Variants in LARGE1 observed in about 807,000 individuals in gnomAD.
The protein encoded by LARGE1 is LARGE xylosyl- and glucuronyltransferase 1.
Under a neutral mutation model 87.6 loss-of-function variants are expected in LARGE1, and 43 were observed. The ratio of observed to expected loss-of-function variants is 0.49; its 90% confidence interval spans 0.38 to 0.63. The LOEUF (loss-of-function observed/expected upper bound fraction) is 0.63, where lower values mean the gene tolerates loss of function less well. Among genes scored for constraint, LARGE1 ranks in the 30% least tolerant of loss-of-function variants. The probability of loss-of-function intolerance (pLI) is 0.00; values close to 1 mark genes in which losing one functional copy is unlikely to be tolerated. For synonymous variants in LARGE1, 434 were observed against 394.6 expected (o/e 1.10, Z -1.18); for missense variants, 802 against 1,000.2 (o/e 0.80, Z 2.67).
chr22:33,642,568 T>A (rs1181784313), intron 3 of LARGE1, among the ~76,000 whole-genome samples: 1 of 151,654 alleles, frequency 6.6e-6, no homozygotes, highest in African/African-American at 2.4e-5. Context: ...GCTAAATGCC[T>A]CAGTTAAAAG....
At chr22:33,818,290 T>G (rs1348563645) in intron 1 of LARGE1, among the ~76,000 whole-genome samples, 1 of 152,222 alleles carries the variant, frequency 6.6e-6, no homozygotes, top group African/African-American at 2.4e-5. Flanking sequence ...GCTTATAGTT[T>G]GTTTGTAGTC....
the LARGE1 span, among the ~76,000 whole-genome samples, chr22:33,072,375 A>G: frequency 2.0e-5 from 3 of 152,186 alleles, no homozygotes; most frequent in Admixed American, 6.5e-5. Context: ...TGTCCTGGAT[A>G]GGATTTTCCA....
chr22:33,779,087 C>T (rs1336841142), intron 1 of LARGE1, among the ~76,000 whole-genome samples: 3 of 152,004 alleles, frequency 2.0e-5, no homozygotes, highest in African/African-American at 4.8e-5. Context: ...CAAACATTTG[C>T]GCGTAAGTAC....
At chr22:33,639,597 G>T (rs1313203590) in intron 3 of LARGE1, among the ~76,000 whole-genome samples, 3 of 152,114 alleles carry the variant, frequency 2.0e-5, no homozygotes, top group Non-Finnish European at 4.4e-5. Flanking sequence ...CTCCCAAAAG[G>T]TAACTGAATT....
chr22:33,331,642 AG>A (rs1937720180), intron 10 of LARGE1, among the ~76,000 whole-genome samples: 1 of 152,112 alleles, frequency 6.6e-6, no homozygotes, highest in Admixed American at 6.6e-5. Context: ...TCCTGACCTC[AG>A]GTGATCTGCC....
At chr22:33,920,806 G>A (rs1432167946), upstream of LARGE1, among the ~76,000 whole-genome samples, 13 of 144,448 alleles carry the variant, frequency 9.0e-5, no homozygotes, top group African/African-American at 3.0e-4. Context: ...CCCGGCGCTC[G>A]GAGCTGGGCG....
chr22:33,135,611 G>C, the LARGE1 span, among the ~76,000 whole-genome samples: 30 of 152,238 alleles, frequency 2.0e-4, no homozygotes, highest in African/African-American at 6.0e-4. Flanking sequence ...AGACGGAGGT[G>C]GGTGGATCAC....
intron 7 of LARGE1, among the ~76,000 whole-genome samples, chr22:33,386,703 G>T (rs1413553399): frequency 7.5e-6 from 1 of 132,896 alleles, no homozygotes; most frequent in African/African-American, 3.2e-5. Flanking sequence ...GATAAACAAT[G>T]TTGGGGGGGG....
At chr22:33,124,785 T>C in the LARGE1 span, among the ~76,000 whole-genome samples, 1 of 152,154 alleles carries the variant, frequency 6.6e-6, no homozygotes, top group East Asian at 1.9e-4. Context: ...GAAGATTGCT[T>C]GAGCCCAGAA....
At chr22:33,621,728 C>T (rs1174636697) in intron 4 of LARGE1, among the ~76,000 whole-genome samples, 2 of 152,172 alleles carry the variant, frequency 1.3e-5, no homozygotes, top group Non-Finnish European at 2.9e-5. Context: ...TGTATCTCAA[C>T]TCATCACCAG....
chr22:33,772,332 C>CA (rs56766354), intron 1 of LARGE1, among the ~76,000 whole-genome samples: 48,340 of 147,906 alleles, frequency 0.33, 8,498 homozygotes, highest in African/African-American at 0.47. Flanking sequence ...GACTCTGCCT[C>CA]AAAAAAAAAA....
At chr22:33,683,610 G>A (rs1238096489) in intron 2 of LARGE1, among the ~76,000 whole-genome samples, 1 of 152,032 alleles carries the variant, frequency 6.6e-6, no homozygotes, top group Non-Finnish European at 1.5e-5. Context: ...GAAAACTGAG[G>A]AACAGAATGG....
intron 8 of LARGE1, among the ~76,000 whole-genome samples, chr22:33,383,324 C>T (rs763098179): frequency 2.6e-5 from 4 of 152,154 alleles, no homozygotes; most frequent in Non-Finnish European, 5.9e-5. Context: ...CTTTGGGAGG[C>T]TGAGGCAGGC....
Position 33,440,587 on chromosome 22 carries a change from T to G in LARGE1, c.788-8322A>C, listed in dbSNP as rs1478024007. On this transcript the variant is annotated intron_variant, in intron 6 of 14. Transcript: ENST00000397394. ...TATTTTAAAATAGAAAAGCATTTAA[T>G]AGCACCATTCAATGTGTGTCTGAGT... Among the ~76,000 whole-genome samples the G allele has an allele frequency of 2.0e-5, 3 of 152,234 alleles. No homozygotes were observed. In the East Asian group the frequency reaches 5.8e-4, roughly 29 times the overall value.
At chr22:33,590,934 G>A (rs142365527) in intron 5 of LARGE1, among the ~76,000 whole-genome samples, 275 of 152,316 alleles carry the variant, frequency 1.8e-3, no homozygotes, top group Non-Finnish European at 2.9e-3. Flanking sequence ...CGGGCGTGGT[G>A]GCTCACACCT....
At chr22:33,126,686 T>C in the LARGE1 span, among the ~76,000 whole-genome samples, 2 of 152,216 alleles carry the variant, frequency 1.3e-5, no homozygotes, top group Admixed American at 6.5e-5. Context: ...TAATTTATTC[T>C]GTTGCATTGC....
At chr22:33,884,325 G>A (rs776006606) in intron 1 of LARGE1, among the ~76,000 whole-genome samples, 16 of 152,244 alleles carry the variant, frequency 1.1e-4, no homozygotes, top group Non-Finnish European at 1.9e-4. Flanking sequence ...CTGGGTCACT[G>A]TACGTTGACC....
rs1233085643 is a variant in LARGE1, at chr22:33,756,129, A to G, written c.106+5242T>C. Among the ~76,000 whole-genome samples the G allele has an allele frequency of 2.6e-5, 4 of 152,138 alleles. 1 individual carries two copies. In the South Asian group the frequency reaches 6.2e-4, roughly 24 times the overall value. On this transcript the variant is annotated intron_variant, in intron 2 of 14. Coordinates refer to ENST00000397394, the MANE Select transcript of LARGE1 (RefSeq NM_133642.5). Reference sequence around the variant, plus strand: ...GAAGACAGACAGTATAGGTTGGGGAAAAAACAATTGTGGAAGACCCCAGAG... The same window carrying G: ...GAAGACAGACAGTATAGGTTGGGGAGAAAACAATTGTGGAAGACCCCAGAG...
chr22:33,331,923 C>T (rs1937764604), intron 10 of LARGE1, among the ~76,000 whole-genome samples: 1 of 152,128 alleles, frequency 6.6e-6, no homozygotes, highest in South Asian at 2.1e-4. Flanking sequence ...ACCTTCTCTC[C>T]CTAGTTGTGT....
Sources: gnomAD v4.1 joint callset for allele counts (sites outside exome capture counted in the v4.1 genomes callset) on GRCh38, gnomAD v4.1.1 for gene constraint, MANE v1.5 for transcripts, NCBI Gene and HGNC (gene_info 2026-07-23, HGNC 2026-07-21) for gene names.